The following AK9 variants were observed in gnomAD, a reference collection of about 807,000 sequenced individuals.
AK9 encodes adenylate kinase 9, also known as adenylate kinase domain containing 1.
AK9 carries 191 observed loss-of-function variants against 239.6 expected under a neutral mutation model. The observed-to-expected ratio is 0.80, with a 90% CI of 0.71 to 0.90. The LOEUF is 0.90. Among genes scored for constraint, AK9 ranks in the 40% least tolerant of loss-of-function variants. AK9 has a pLI of 0.00. For missense variants in AK9, 1,995 were observed against 2,214.7 expected, an observed-to-expected ratio of 0.90 and a Z score of 1.99; for synonymous variants, 689 against 721.0, an observed-to-expected ratio of 0.96 and a Z score of 0.71.
At chr6:109,660,304 T>C (rs1460623220) in intron 6 of AK9, among the ~76,000 whole-genome samples, 2 of 152,176 alleles carry the variant, frequency 1.3e-5, no homozygotes, top group African/African-American at 2.4e-5. Context: ...GATTCTGACA[T>C]ATGAGCATGT....
intron 29 of AK9, 59 bp from the exon 30 acceptor site, chr6:109,516,701 T>C (rs1779310190): frequency 7.2e-7 from 1 of 1,385,426 alleles, no homozygotes. Flanking sequence ...AAAGACACTA[T>C]TAACAAATCA....
chr6:109,633,225 T>G lies in AK9; in HGVS notation c.1032A>C (p.Lys344Asn). ...GTAATCCTGAATAAATGTTACCATC[T>G]TTTAAATTCACAGGACATGTACGTC... Reference protein sequence around the residue: ...KWGRTCPVNLKDGNIYSGLPD... With the variant: ...KWGRTCPVNLNDGNIYSGLPD... Residue 344 changes from lysine to asparagine, a missense_variant, in exon 11 of 41, where the codon AAA (lysine) becomes AAC (asparagine). By Grantham distance (94) the Lys-to-Asn change is moderately conservative (BLOSUM62 0). This residue lies in a region of AK9 where 1,290 missense variants were observed against 1,392.7 expected (regional missense o/e 0.93). Coordinates refer to ENST00000424296, the MANE Select transcript of AK9 (RefSeq NM_001145128.3). The G allele has an allele frequency of 1.9e-6, 3 of 1,603,688 alleles. No homozygotes were observed. Among genetic ancestry groups the G allele is most frequent in the African/African-American group, 1.3e-5 (1 of 74,602 alleles).
At chr6:109,599,806 G>T (rs889705737) in intron 17 of AK9, among the ~76,000 whole-genome samples, 1 of 152,052 alleles carries the variant, frequency 6.6e-6, no homozygotes, top group Non-Finnish European at 1.5e-5. Flanking sequence ...TTGTAAGTTG[G>T]ATTCCTAGGT....
At chr6:109,570,374 C>G (rs949201128) in intron 21 of AK9, among the ~76,000 whole-genome samples, 1 of 151,990 alleles carries the variant, frequency 6.6e-6, no homozygotes, top group Non-Finnish European at 1.5e-5. Context: ...CACATGTATA[C>G]ACATGTAACA....
At position 109,579,483 on chromosome 6, in the gene AK9, G is replaced by A. The variant is rs753155519; in HGVS notation, c.2191+67C>T. On this transcript the variant is annotated intron_variant, in intron 20 of 40. Transcript: ENST00000424296. ...TGATCACCCAGTCTATAATTCACTT[G>A]AAATACTGCAATTGCTTGCAGTAAC... 5 of 1,437,074 alleles carry A rather than the reference G, an allele frequency of 3.5e-6. No homozygotes were observed. The South Asian group carries it at 6.4e-5, about 18-fold the overall frequency. The allele number at this position is 1,437,074 out of a possible 1,614,324, so 89.0% of individuals were successfully genotyped here.
intron 28 of AK9, among the ~76,000 whole-genome samples, chr6:109,532,659 T>A (rs544593819): frequency 6.6e-6 from 1 of 152,320 alleles, no homozygotes; most frequent in South Asian, 2.1e-4. Flanking sequence ...CATCAGCTGA[T>A]GATTTGGGTT....
chr6:109,548,291 G>A (rs939957908), intron 25 of AK9, among the ~76,000 whole-genome samples: 1 of 152,082 alleles, frequency 6.6e-6, no homozygotes, highest in African/African-American at 2.4e-5. Flanking sequence ...ATCTGAACAG[G>A]ATCTAGTTTG....
intron 17 of AK9, among the ~76,000 whole-genome samples, chr6:109,587,636 A>C (rs2128214880): frequency 6.6e-6 from 1 of 152,310 alleles, no homozygotes; most frequent in South Asian, 2.1e-4. Flanking sequence ...TGTTTCACTT[A>C]AGATAATGGC....
Position 109,662,565 on chromosome 6 carries a change from T to G in AK9, c.430A>C (p.Ile144Leu). ...IKNLNLKPDV[I>L]INIKCPDYDL... is the part of the protein sequence containing the mutation. ...AATATCCTTACCTTTATATTGATTATAACATCAGGTTTCAGGTTTAAGTTT... is the reference window on the plus strand; with the variant it reads ...AATATCCTTACCTTTATATTGATTAGAACATCAGGTTTCAGGTTTAAGTTT... The change falls in exon 6 of 41, where the codon ATA (isoleucine) becomes CTA (leucine). Residue 144 changes from isoleucine to leucine, a missense_variant. Ile to Leu is a conservative substitution (Grantham distance 5). Transcript: ENST00000424296. 1 of 1,553,978 alleles carries G rather than the reference T, an allele frequency of 6.4e-7. No homozygotes were observed. The highest frequency in any genetic ancestry group is 1.4e-5 in the African/African-American group (1 of 72,434).
chr6:109,557,118 G>A (rs1785092700), intron 24 of AK9, among the ~76,000 whole-genome samples: 1 of 152,092 alleles, frequency 6.6e-6, no homozygotes, highest in African/African-American at 2.4e-5. Context: ...ATCTTCGTGA[G>A]TTTGTCAAGT....
intron 10 of AK9, among the ~76,000 whole-genome samples, chr6:109,633,806 C>G (rs1209958242): frequency 6.6e-6 from 1 of 152,074 alleles, no homozygotes; most frequent in Non-Finnish European, 1.5e-5. Context: ...TTCTTTAATT[C>G]TTAAAATTTA....
At chr6:109,646,725 G>A (rs1798114158) in intron 8 of AK9, among the ~76,000 whole-genome samples, 1 of 152,086 alleles carries the variant, frequency 6.6e-6, no homozygotes, top group Non-Finnish European at 1.5e-5. Flanking sequence ...TTCAAATTCA[G>A]GAAATACAGA....
chr6:109,522,934 T>C (rs1172380726), intron 29 of AK9, among the ~76,000 whole-genome samples: 2 of 152,146 alleles, frequency 1.3e-5, no homozygotes, highest in Non-Finnish European at 2.9e-5. Context: ...TCAACCAACA[T>C]TCTGTGGACC....
intron 27 of AK9, among the ~76,000 whole-genome samples, chr6:109,538,364 C>G (rs1301643769): frequency 6.6e-6 from 1 of 152,078 alleles, no homozygotes; most frequent in Non-Finnish European, 1.5e-5. Context: ...ATGTAATGGC[C>G]TTCTTTGACT....
chr6:109,509,368 A>AT lies in AK9; in HGVS notation c.4291dup (p.Ile1431AsnfsTer4), dbSNP rs755806615. The AT allele has an allele frequency of 4.6e-5, 71 of 1,548,700 alleles. No individual in the cohort carries two copies. The highest frequency in any genetic ancestry group is 2.6e-4 in the Admixed American group (13 of 50,058). ...ATGCTTTAACCCATATTCACTTGTA[A>AT]TTTTTTTGGCAACTGAAAAACATAA... is the stretch of plus-strand genomic sequence containing the variant. On this transcript the variant is annotated frameshift_variant, in exon 33 of 41. Coordinates refer to ENST00000424296, the MANE Select transcript of AK9 (RefSeq NM_001145128.3). LOFTEE classifies it high-confidence loss of function.
chr6:109,545,103 C>A (rs941687141), intron 26 of AK9, among the ~76,000 whole-genome samples: 1 of 152,134 alleles, frequency 6.6e-6, no homozygotes, highest in African/African-American at 2.4e-5. Flanking sequence ...GAGTTTTATA[C>A]TACCACTACC....
At chr6:109,632,807 G>C in intron 12 of AK9, 116 bp downstream of exon 12, 1 of 1,372,842 alleles carries the variant, frequency 7.3e-7, no homozygotes, top group Non-Finnish European at 9.4e-7. Context: ...TTTAAAAACT[G>C]AGTACAAATA....
In AK9 at chr6:109,659,198, G is replaced by C. The variant is rs760018411; in HGVS notation, c.630+30C>G. Reference sequence around the variant, plus strand: ...AATTATAGCAATTTTAAAAAGTGTAGTGTATGGTAGTTACCTATTGAGATA... The same window carrying C: ...AATTATAGCAATTTTAAAAAGTGTACTGTATGGTAGTTACCTATTGAGATA... On this transcript the variant is annotated intron_variant, in intron 7 of 40. Coordinates refer to ENST00000424296, the MANE Select transcript of AK9 (RefSeq NM_001145128.3). 2.6e-6 allele frequency: 4 copies of C among 1,512,934 alleles called. No individual in the cohort carries two copies. The African/African-American group carries it at 4.3e-5, about 16-fold the overall frequency. The allele number at this position is 1,512,934 out of a possible 1,614,324, so 93.7% of individuals were successfully genotyped here.
At chr6:109,619,066 A>G in intron 13 of AK9, 26 bp downstream of exon 13, 1 of 1,526,374 alleles carries the variant, frequency 6.6e-7, no homozygotes, top group Non-Finnish European at 8.8e-7. Context: ...TAAACTTAAA[A>G]CACACATTTT....
Sources: allele counts gnomAD v4.1 joint callset (sites outside exome capture counted in the v4.1 genomes callset), GRCh38; gene constraint gnomAD v4.1.1; regional missense constraint gnomAD v4.1.1; transcripts MANE v1.5; gene names NCBI Gene and HGNC (gene_info 2026-07-23, HGNC 2026-07-21).